KCNK2: variants seen among roughly 807,000 people sequenced by gnomAD.
KCNK2 encodes the protein potassium channel subfamily K member 2.
In KCNK2, 21 loss-of-function variants were observed where a neutral mutation model predicts 40.5. The observed-to-expected ratio is 0.52, with a 90% confidence interval of 0.37 to 0.75. The LOEUF (loss-of-function observed/expected upper bound fraction) is 0.75. Ranked by LOEUF, KCNK2 falls within the 30% of genes least tolerant of loss-of-function variation. The pLI is 0.00. For missense variants in KCNK2, 399 were observed against 531.6 expected (o/e 0.75, Z 2.45); for synonymous variants, 191 against 202.2 (o/e 0.94, Z 0.47).
chr1:215,075,074 C>T (rs7528988), intron 1 of KCNK2, among the ~76,000 whole-genome samples: 47,669 of 152,046 alleles, frequency 0.31, 8,844 homozygotes, highest in African/African-American at 0.52. Context: ...CTGGTTAAAG[C>T]ACTAATCTTC....
chr1:215,130,328 C>T (rs905043808), intron 3 of KCNK2, among the ~76,000 whole-genome samples: 2 of 152,144 alleles, frequency 1.3e-5, no homozygotes, highest in South Asian at 2.1e-4. Context: ...ATAGAAGCTC[C>T]GTACCCCCTA....
rs182348322 is a variant in KCNK2, at chr1:215,090,030, T to C, written c.357+3352T>C. Among the ~76,000 whole-genome samples the C allele has an allele frequency of 4.9e-4, 74 of 152,088 alleles. No homozygotes were observed. The East Asian group carries it at 0.013, about 27-fold the overall frequency. ...TAGTAGAGACGGGGTTTCTCCGTAT[T>C]GGTCAGGCTGGTCTCGAACTCCCGA... is the stretch of plus-strand genomic sequence containing the variant. On this transcript the variant is annotated intron_variant, in intron 2 of 6. Coordinates refer to ENST00000444842, the MANE Select transcript of KCNK2 (RefSeq NM_001017425.3).
intron 2 of KCNK2, among the ~76,000 whole-genome samples, chr1:215,098,124 T>C (rs139436372): frequency 1.8e-4 from 27 of 152,104 alleles, no homozygotes; most frequent in African/African-American, 5.5e-4. Flanking sequence ...AGTTATAGTG[T>C]CCCTTGCCTA....
chr1:215,167,715 A>G (rs1044889248), intron 3 of KCNK2, among the ~76,000 whole-genome samples: 2 of 152,186 alleles, frequency 1.3e-5, no homozygotes, highest in Non-Finnish European at 2.9e-5. Flanking sequence ...TAACTTAAGC[A>G]TATCTGAATA....
At chr1:215,065,759 G>A (rs1658516956) in intron 1 of KCNK2, among the ~76,000 whole-genome samples, 1 of 152,138 alleles carries the variant, frequency 6.6e-6, no homozygotes, top group African/African-American at 2.4e-5. Flanking sequence ...CCCATGCTTT[G>A]ACTTGGTCTG....
intron 3 of KCNK2, among the ~76,000 whole-genome samples, chr1:215,158,407 T>C (rs1326543703): frequency 6.6e-6 from 1 of 152,140 alleles, no homozygotes; most frequent in East Asian, 1.9e-4. Context: ...GCCTCCAGGG[T>C]AAATCTGAGT....
At chr1:215,167,476 A>G (rs915060940) in intron 3 of KCNK2, among the ~76,000 whole-genome samples, 1 of 152,152 alleles carries the variant, frequency 6.6e-6, no homozygotes, top group African/African-American at 2.4e-5. Context: ...TTCTAGAAGT[A>G]TATTTTTTAA....
intron 6 of KCNK2, among the ~76,000 whole-genome samples, chr1:215,232,552 T>G (rs1666711703): frequency 6.6e-6 from 1 of 152,196 alleles, no homozygotes. Context: ...AGGTACTTAT[T>G]GGAAATGTGC....
chr1:215,174,138 A>G (rs1663846922), intron 5 of KCNK2, among the ~76,000 whole-genome samples: 1 of 151,180 alleles, frequency 6.6e-6, no homozygotes, highest in Admixed American at 6.6e-5. Flanking sequence ...ATCTTGAATT[A>G]ATTTTTGTAT....
At chr1:215,063,508 T>A (rs1459432204) in intron 1 of KCNK2, among the ~76,000 whole-genome samples, 1 of 152,184 alleles carries the variant, frequency 6.6e-6, no homozygotes, top group Non-Finnish European at 1.5e-5. Context: ...CAACATATCA[T>A]GATTACCTGA....
At chr1:215,215,741 A>G (rs1391842712) in intron 6 of KCNK2, among the ~76,000 whole-genome samples, 1 of 152,136 alleles carries the variant, frequency 6.6e-6, no homozygotes, top group Non-Finnish European at 1.5e-5. Flanking sequence ...CCTTACATTC[A>G]GAGGCATTAT....
At chr1:215,043,561 A>G (rs887285754) in intron 1 of KCNK2, among the ~76,000 whole-genome samples, 2 of 152,220 alleles carry the variant, frequency 1.3e-5, no homozygotes, top group Non-Finnish European at 2.9e-5. Context: ...GACAAATACA[A>G]CTGCACTTAT....
chr1:215,020,075 T>C (rs575398602), intron 1 of KCNK2, among the ~76,000 whole-genome samples: 20 of 152,290 alleles, frequency 1.3e-4, no homozygotes, highest in Admixed American at 6.5e-4. Flanking sequence ...TTTTTTCCCT[T>C]GTTGAGTGAG....
At chr1:215,121,983 G>A (rs1661208502) in intron 2 of KCNK2, among the ~76,000 whole-genome samples, 1 of 152,104 alleles carries the variant, frequency 6.6e-6, no homozygotes, top group South Asian at 2.1e-4. Flanking sequence ...TAATTTTTGA[G>A]ACTGTAAACT....
intron 6 of KCNK2, among the ~76,000 whole-genome samples, chr1:215,209,324 A>G (rs1665469893): frequency 3.9e-5 from 1 of 25,352 alleles, no homozygotes; most frequent in African/African-American, 8.5e-5. Flanking sequence ...AAATATACAC[A>G]TATTTTTATA....
chr1:215,222,142 A>G (rs1451677472), intron 6 of KCNK2, among the ~76,000 whole-genome samples: 1 of 152,174 alleles, frequency 6.6e-6, no homozygotes, highest in Admixed American at 6.5e-5. Context: ...ATCCACCCCC[A>G]TGACCCCATG....
At chr1:215,072,799 A>G (rs4655272) in intron 1 of KCNK2, among the ~76,000 whole-genome samples, 74,156 of 151,726 alleles carry the variant, frequency 0.49, 18,629 homozygotes, top group East Asian at 0.55. Context: ...TGTGCTGAGG[A>G]ACAAGACAAC....
At chr1:215,107,876 A>G (rs74143658) in intron 2 of KCNK2, among the ~76,000 whole-genome samples, 3,079 of 152,272 alleles carry the variant, frequency 0.02, 114 homozygotes, top group African/African-American at 0.071. Context: ...ACAGCACAGT[A>G]TAACTACCAT....
chr1:215,092,213 G>A (rs1270364510), intron 2 of KCNK2, among the ~76,000 whole-genome samples: 1 of 152,174 alleles, frequency 6.6e-6, no homozygotes, highest in Non-Finnish European at 1.5e-5. Flanking sequence ...AATAGGGTTT[G>A]CTGATTGACC....
Sources: gnomAD v4.1 joint callset for allele counts (sites outside exome capture counted in the v4.1 genomes callset) on GRCh38, gnomAD v4.1.1 for gene constraint, MANE v1.5 for transcripts, NCBI Gene and HGNC (gene_info 2026-07-23, HGNC 2026-07-21) for gene names.